The following MAP4K4 variants were observed in gnomAD, a reference collection of about 807,000 sequenced individuals.
MAP4K4 encodes mitogen-activated protein kinase kinase kinase kinase 4, also known as HPK/GCK-like kinase HGK.
In MAP4K4, 38 loss-of-function variants were observed where a neutral mutation model predicts 189.6. The observed-to-expected ratio is 0.20, with a 90% CI of 0.15 to 0.26. The LOEUF (loss-of-function observed/expected upper bound fraction) is 0.26, where lower values mean the gene tolerates loss of function less well. Ranked by LOEUF, MAP4K4 falls within the 10% of genes least tolerant of loss-of-function variation. The pLI, the probability that MAP4K4 is intolerant of heterozygous loss-of-function variation, is 1.00. For synonymous variants in MAP4K4, 610 were observed against 624.3 expected (o/e 0.98, Z 0.34); for missense variants, 1,054 against 1,726.9 (o/e 0.61, Z 6.91).
chr2:101,870,564 A>G (rs2097960812), intron 23 of MAP4K4, 149 bp downstream of exon 23: 16 of 1,077,708 alleles, frequency 1.5e-5, no homozygotes, highest in Non-Finnish European at 1.4e-5. Context: ...GTCGGGGGCT[A>G]GGGAGGCAGG....
At chr2:101,882,356 G>C (rs1480442945) in intron 27 of MAP4K4, among the ~76,000 whole-genome samples, 195 bp from the exon 28 acceptor site, 1 of 152,080 alleles carries the variant, frequency 6.6e-6, no homozygotes, top group Non-Finnish European at 1.5e-5. Context: ...TTGATTTATA[G>C]GAGTTTTTTT....
intron 27 of MAP4K4, among the ~76,000 whole-genome samples, chr2:101,879,195 CAAAAA>C (rs61482872): frequency 1.2e-4 from 8 of 67,444 alleles, no homozygotes; most frequent in Admixed American, 5.8e-4. Flanking sequence ...AGCCTGTCTC[CAAAAA>C]AAAAAAAAAA....
At chr2:101,873,834 C>A in intron 25 of MAP4K4, 70 bp downstream of exon 25, 3 of 1,164,992 alleles carry the variant, frequency 2.6e-6, no homozygotes, top group Non-Finnish European at 2.5e-6. Context: ...TTTTGGGTGG[C>A]TTAGGTGTAG....
At chr2:101,845,894 A>G (rs2097094564) in intron 12 of MAP4K4, among the ~76,000 whole-genome samples, 1 of 152,210 alleles carries the variant, frequency 6.6e-6, no homozygotes, top group Admixed American at 6.5e-5. Context: ...CTGTATTGAT[A>G]TTATCCAGTG....
chr2:101,890,286 A>C (rs908237229), intron 32 of MAP4K4, among the ~76,000 whole-genome samples: 4 of 152,234 alleles, frequency 2.6e-5, no homozygotes, highest in Non-Finnish European at 4.4e-5. Flanking sequence ...TAGAAGTGGA[A>C]AGAAATAACT....
intron 3 of MAP4K4, among the ~76,000 whole-genome samples, chr2:101,821,052 C>T (rs1161661496): frequency 1.3e-5 from 2 of 151,968 alleles, no homozygotes; most frequent in East Asian, 3.9e-4. Flanking sequence ...CTAGTCTAAA[C>T]ACTGGTTTTG....
chr2:101,765,365 T>G (rs939101433), intron 2 of MAP4K4, among the ~76,000 whole-genome samples: 1 of 152,210 alleles, frequency 6.6e-6, no homozygotes, highest in African/African-American at 2.4e-5. Flanking sequence ...GTTTGTGTGT[T>G]TGTTTTGAGC....
intron 11 of MAP4K4, among the ~76,000 whole-genome samples, chr2:101,842,952 C>G (rs1480746314): frequency 6.6e-6 from 1 of 152,150 alleles, no homozygotes; most frequent in Non-Finnish European, 1.5e-5. Flanking sequence ...GGGAGAGTGC[C>G]CCAGCATTTA....
At position 101,705,335 on chromosome 2, in the gene MAP4K4, C is replaced by T. The variant is rs985051991; in HGVS notation, c.123+6797C>T. Among the ~76,000 whole-genome samples the T allele has an allele frequency of 2.0e-5, 3 of 152,274 alleles. No individual in the cohort carries two copies. The East Asian group carries it at 5.8e-4, about 29-fold the overall frequency. ...AAACAGGGGGATGGACACAAAATGC[C>T]AGCTGTGGGATGTCAGTCATACATT... On this transcript the variant is annotated intron_variant, in intron 2 of 32. Coordinates refer to ENST00000324219, the Ensembl canonical transcript of MAP4K4.
At chr2:101,829,850 G>A in intron 6 of MAP4K4, 1 of 347,076 alleles carries the variant, frequency 2.9e-6, no homozygotes, top group Non-Finnish European at 5.4e-6. Context: ...CCACTTTCCT[G>A]CTTAAAGAAC....
Position 101,851,683 on chromosome 2 carries a change from C to CT in MAP4K4, c.1234-4293dup, listed in dbSNP as rs1386774562. Reference sequence around the variant, plus strand: ...CTCTCGATCTAGTTTACCACTTCAACTATTAGAATATAATGTGGAAGAGAA... The same window carrying CT: ...CTCTCGATCTAGTTTACCACTTCAACTTATTAGAATATAATGTGGAAGAGAA... On this transcript the variant is annotated intron_variant, in intron 12 of 32. Transcript: ENST00000324219. Among the ~76,000 whole-genome samples the CT allele has an allele frequency of 3.0e-5, 4 of 133,372 alleles. No individual in the cohort carries two copies. The South Asian group carries it at 1.1e-3, about 35-fold the overall frequency. The allele number at this position is 133,372 out of a possible 152,430, so 87.5% of individuals were successfully genotyped here.
intron 2 of MAP4K4, among the ~76,000 whole-genome samples, chr2:101,728,515 C>CT (rs1391820594): frequency 1.3e-5 from 2 of 151,582 alleles, no homozygotes; most frequent in Admixed American, 6.6e-5. Flanking sequence ...TATAGTAACA[C>CT]TTTTTTTTTC....
intron 3 of MAP4K4, among the ~76,000 whole-genome samples, chr2:101,803,245 A>ATTGTGTG (rs1553484245): frequency 6.7e-6 from 1 of 150,244 alleles, no homozygotes; most frequent in Non-Finnish European, 1.5e-5. Flanking sequence ...GATGATGATG[A>ATTGTGTG]TGTGTGTGTG....
chr2:101,807,812 G>A (rs916324169), intron 3 of MAP4K4, among the ~76,000 whole-genome samples: 2 of 152,122 alleles, frequency 1.3e-5, no homozygotes, highest in Non-Finnish European at 2.9e-5. Context: ...GGGAAGGAGC[G>A]CTCTGCACAC....
At chr2:101,787,582 G>A (rs2091765843) in intron 2 of MAP4K4, among the ~76,000 whole-genome samples, 1 of 152,106 alleles carries the variant, frequency 6.6e-6, no homozygotes, top group Non-Finnish European at 1.5e-5. Flanking sequence ...CTCTTGGGTG[G>A]TATTGAATAA....
At chr2:101,698,297 C>CT (rs2035675803) in intron 1 of MAP4K4, among the ~76,000 whole-genome samples, 160 bp downstream of exon 1, 1 of 150,424 alleles carries the variant, frequency 6.6e-6, no homozygotes, top group African/African-American at 2.4e-5. Flanking sequence ...GGGGCGGGCG[C>CT]TACCCTCTAC....
intron 2 of MAP4K4, among the ~76,000 whole-genome samples, chr2:101,772,265 A>C (rs1269930567): frequency 6.6e-6 from 1 of 152,212 alleles, no homozygotes; most frequent in African/African-American, 2.4e-5. Context: ...TGGAAGGGCC[A>C]ATTGTCTCCC....
At chr2:101,869,793 G>A (rs777416409) in exon 22 of MAP4K4, 3 of 1,556,432 alleles carry the variant, frequency 1.9e-6, no homozygotes, top group Non-Finnish European at 2.6e-6. Context: ...GGACACCAGA[G>A]CAGCGTCAGT....
chr2:101,736,744 T>C (rs59937836), intron 2 of MAP4K4, among the ~76,000 whole-genome samples: 10,338 of 152,218 alleles, frequency 0.068, 966 homozygotes, highest in African/African-American at 0.21. Flanking sequence ...TTGTGAGTAA[T>C]TGTTGATTCT....
Sources: gnomAD v4.1 joint callset for allele counts (sites outside exome capture counted in the v4.1 genomes callset) on GRCh38, gnomAD v4.1.1 for gene constraint, MANE v1.5 for transcripts, NCBI Gene and HGNC (gene_info 2026-07-23, HGNC 2026-07-21) for gene names.